Variants in RNF213 observed in about 807,000 individuals in gnomAD.
RNF213 encodes the protein ring finger protein 213.
In RNF213, 341 loss-of-function variants were observed where a neutral mutation model predicts 514.4. That is an observed-to-expected ratio of 0.66 (90% confidence interval 0.61 to 0.73). The LOEUF (loss-of-function observed/expected upper bound fraction) is 0.73. Among genes scored for constraint, RNF213 ranks in the 30% least tolerant of loss-of-function variants. The pLI is 0.00. For missense variants in RNF213, 5,767 were observed against 6,615.6 expected, an observed-to-expected ratio of 0.87 and a Z score of 4.45; for synonymous variants, 2,655 against 2,658.2, an observed-to-expected ratio of 1.00 and a Z score of 0.04.
At position 80,288,319 on chromosome 17, in the gene RNF213, G is replaced by A; in HGVS notation, c.766G>A (p.Glu256Lys). ...SKGGSSEPGT[E>K]LQTTEQQAGA... ...AGGAGGCAGCTCTGAGCCCGGGACAGAACTGCAGACCACCGAGCAACAGGC... is the reference window on the plus strand; with the variant it reads ...AGGAGGCAGCTCTGAGCCCGGGACAAAACTGCAGACCACCGAGCAACAGGC... Residue 256 changes from glutamate (E) to lysine (K), a missense_variant, in exon 4 of 68, where the codon GAA (glutamate) becomes AAA (lysine). This residue lies in a region of RNF213 where 509 missense variants were observed against 496.7 expected (regional missense o/e 1.02). Transcript: ENST00000582970. This position sits in a 1 kb window ranked among gnomAD's most constrained non-coding sequence, Gnocchi z 4.9. The A allele has an allele frequency of 6.2e-7, 1 of 1,612,972 alleles. No individual in the cohort carries two copies. The highest frequency in any genetic ancestry group is 1.1e-5 in the South Asian group (1 of 91,088).
chr17:80,364,369 G>C (rs114281567), intron 41 of RNF213, 64 bp from the exon 42 acceptor site: 5 of 1,612,196 alleles, frequency 3.1e-6, no homozygotes, highest in Non-Finnish European at 4.2e-6. Flanking sequence ...CTCCCTCCTC[G>C]TTTCACCCTT....
At position 80,376,285 on chromosome 17, in the gene RNF213, GT is replaced by G. The variant is rs777469709; in HGVS notation, c.13186-9del. 2.5e-6 allele frequency: 4 copies of G among 1,613,858 alleles called. No individual in the cohort carries two copies. Among genetic ancestry groups the G allele is most frequent in the Non-Finnish European group, 3.4e-6 (4 of 1,179,892 alleles). ...ATTCTTTGATACATCTTAATGTTAA[GT>G]TTTTTTCCTGTCAGCAATGTGAAGC... On this transcript the variant is annotated splice_polypyrimidine_tract_variant and intron_variant, in intron 51 of 67. Transcript: ENST00000582970.
Position 80,348,196 on chromosome 17 carries a change from C to T in RNF213, c.9861C>T (p.Tyr3287=), listed in dbSNP as rs2078381054. 6.2e-7 allele frequency: 1 copy of T among 1,613,944 alleles called. No homozygotes were observed. The highest frequency in any genetic ancestry group is 8.5e-7 in the Non-Finnish European group (1 of 1,180,048). The change falls in exon 29 of 68, where the codon TAC becomes TAT. Residue 3287 remains tyrosine (Y), a synonymous_variant. Transcript: ENST00000582970. The part of the protein sequence containing the change: ...GFAAEWLSQE[Y]FHRQRHNSFA... ...CAGCGGAGTGGCTGTCGCAGGAGTA[C>T]TTTCACAGACAGAGGCACAACTCCT...
rs1278405832 is a variant in RNF213, at chr17:80,368,106, C to A, written c.12118C>A (p.Pro4040Thr). The A allele has an allele frequency of 6.2e-7, 1 of 1,614,258 alleles. No homozygotes were observed. ...ATGCCCCTACTGTTTAACTGCCTTG[C>A]CAGACGAATTCTCTCCAGCTGTTTC... Reference protein sequence around the residue: ...MICPYCLTALPDEFSPAVSQA... With the variant: ...MICPYCLTALTDEFSPAVSQA... The change falls in exon 44 of 68, where the codon CCA becomes ACA. Residue 4040 changes from proline to threonine, a missense_variant. Physicochemically the swap from Pro to Thr is conservative, Grantham distance 38. Transcript: ENST00000582970.
At chr17:80,310,503 T>G (rs1007846662) in intron 14 of RNF213, among the ~76,000 whole-genome samples, 4 of 152,122 alleles carry the variant, frequency 2.6e-5, no homozygotes, top group African/African-American at 9.7e-5. Flanking sequence ...TCCACCTGCC[T>G]TGGCCTCCCA....
At position 80,298,469 on chromosome 17, in the gene RNF213, G is replaced by A. The variant is rs765912590; in HGVS notation, c.2161G>A (p.Ala721Thr). 19 of 1,614,164 alleles carry A rather than the reference G, an allele frequency of 1.2e-5. No individual in the cohort carries two copies. The highest frequency in any genetic ancestry group is 1.6e-5 in the Non-Finnish European group (19 of 1,180,044). Residue 721 changes from alanine (A) to threonine (T), a missense_variant, in exon 11 of 68, where the codon GCT (alanine) becomes ACT (threonine). Transcript: ENST00000582970. ...AWRQPEDTWA[A>T]LEGLSFSPFR... The stretch of plus-strand genomic sequence containing the variant: ...GAGACAGCCTGAGGACACCTGGGCC[G>A]CTCTGGAGGGACTCTCCTTCTCACC...
At chr17:80,349,660 A>C (rs1416424392) in intron 29 of RNF213, 110 bp from the exon 30 acceptor site, 1 of 1,217,896 alleles carries the variant, frequency 8.2e-7, no homozygotes, top group East Asian at 2.3e-5. Context: ...TTGTGTGGCA[A>C]CTGCACCGCG....
Position 80,285,837 on chromosome 17 carries a change from A to AT in RNF213, c.262-1972dup, listed in dbSNP as rs1391733346. Reference sequence around the variant, plus strand: ...AGGTGCCTGCCACCACGCCCAGCTAATTTTTTGTGTTTTTAGTAGAGATGG... The same window carrying AT: ...AGGTGCCTGCCACCACGCCCAGCTAATTTTTTTGTGTTTTTAGTAGAGATGG... On this transcript the variant is annotated intron_variant, in intron 3 of 67. Transcript: ENST00000582970. Among the ~76,000 whole-genome samples the AT allele has an allele frequency of 3.3e-5, 5 of 151,846 alleles. No homozygotes were observed. The East Asian group carries it at 9.7e-4, about 29-fold the overall frequency.
Position 80,317,390 on chromosome 17 carries a change from G to C in RNF213, c.2901+113G>C. 1.1e-6 allele frequency: 1 copy of C among 913,484 alleles called. No homozygotes were observed. The highest frequency in any genetic ancestry group is 2.0e-5 in the Admixed American group (1 of 50,058). The allele number at this position is 913,484 out of a possible 1,614,324, so 56.6% of individuals were successfully genotyped here. On this transcript the variant is annotated intron_variant, in intron 16 of 67. Transcript: ENST00000582970. This position sits in a 1 kb window ranked among gnomAD's most constrained non-coding sequence, Gnocchi z 4.1. ...AGTGCCTCTCTGTGGGCAGGGATGG[G>C]GTGAATCACAGCTCCGTGTTTCTGT...
chr17:80,358,200 C>T, intron 36 of RNF213, 88 bp from the exon 37 acceptor site: 3 of 1,153,242 alleles, frequency 2.6e-6, no homozygotes, highest in South Asian at 1.3e-5. Flanking sequence ...TTTGTTAATG[C>T]TCAAGAAGGA....
intron 5 of RNF213, among the ~76,000 whole-genome samples, chr17:80,289,156 GGA>G (rs914111447): frequency 6.6e-6 from 1 of 152,220 alleles, no homozygotes; most frequent in African/African-American, 2.4e-5. Context: ...AGGAGTTGGG[GGA>G]GGAGAGGCCA....
At position 80,347,391 on chromosome 17, in the gene RNF213, A is replaced by G. The variant is rs367700707; in HGVS notation, c.9056A>G (p.Lys3019Arg). Residue 3019 changes from lysine to arginine, a missense_variant, in exon 29 of 68, where the codon AAA becomes AGA. Transcript: ENST00000582970. This position sits in a 1 kb window ranked among gnomAD's most constrained non-coding sequence, Gnocchi z 7.2. ...SEEVSPMQLI[K>R]QNIFGPSQKV... ...GAAGTCAGCCCCATGCAGCTGATCAAACAGAACATCTTTGGGCCTTCTCAG... is the reference window on the plus strand; with the variant it reads ...GAAGTCAGCCCCATGCAGCTGATCAGACAGAACATCTTTGGGCCTTCTCAG... 6.2e-7 allele frequency: 1 copy of G among 1,613,804 alleles called. No individual in the cohort carries two copies. The highest frequency in any genetic ancestry group is 8.5e-7 in the Non-Finnish European group (1 of 1,180,046).
At chr17:80,384,935 T>C in intron 59 of RNF213, 104 bp from the exon 60 acceptor site, 1 of 1,227,432 alleles carries the variant, frequency 8.1e-7, no homozygotes, top group Non-Finnish European at 1.2e-6. Context: ...ACTGACCAGA[T>C]TAAGCTACAA....
At chr17:80,294,606 C>T in intron 8 of RNF213, 114 bp from the exon 9 acceptor site, 1 of 1,309,494 alleles carries the variant, frequency 7.6e-7, no homozygotes, top group Non-Finnish European at 1.1e-6. Flanking sequence ...CTCCCTTCCT[C>T]TGCCCCATTT....
chr17:80,363,952 G>C (rs1411595222), intron 41 of RNF213, among the ~76,000 whole-genome samples, 162 bp downstream of exon 41: 1 of 152,248 alleles, frequency 6.6e-6, no homozygotes, highest in Non-Finnish European at 1.5e-5. Context: ...CTTAGTGAGT[G>C]CCAGGCGTCT....
rs760577912 is a variant in RNF213, at chr17:80,348,121, T to C, written c.9786T>C (p.Ala3262=). 25 of 1,613,990 alleles carry C rather than the reference T, an allele frequency of 1.5e-5. No homozygotes were observed. Among genetic ancestry groups the C allele is most frequent in the Non-Finnish European group, 2.0e-5 (24 of 1,180,050 alleles). ...EEAKSILLNC[A]TPDAVVRLSA... is the part of the protein sequence containing the mutation. ...CCAAATCGATCCTGCTGAACTGCGC[T>C]ACGCCCGATGCCGTGGTCCGGCTGA... Residue 3262 remains alanine, a synonymous_variant, in exon 29 of 68, where the codon GCT becomes GCC. Transcript: ENST00000582970.
Position 80,377,771 on chromosome 17 carries a change from A to G in RNF213, c.13520A>G (p.Asn4507Ser), listed in dbSNP as rs754029982. The G allele has an allele frequency of 3.7e-6, 6 of 1,614,026 alleles. No individual in the cohort carries two copies. In the African/African-American group the frequency reaches 5.3e-5, roughly 14 times the overall value. Residue 4507 changes from asparagine (N) to serine (S), a missense_variant, in exon 54 of 68, where the codon AAC becomes AGC. Physicochemically the swap from Asn to Ser is conservative, Grantham distance 46. Transcript: ENST00000582970. This position sits in a 1 kb window ranked among gnomAD's most constrained non-coding sequence, Gnocchi z 4.1. ...LERVHWYTCP[N>S]GHPCSVGECG... is the part of the protein sequence containing the mutation. The stretch of plus-strand genomic sequence containing the variant: ...CCTGTTCTCTTCACAGCTTGTCCCA[A>G]CGGCCATCCTTGCTCCGTGGGAGAG...
rs770443490 is a variant in RNF213, at chr17:80,327,823, C to T, written c.3201C>T (p.Asp1067=). 5.4e-5 allele frequency: 83 copies of T among 1,535,768 alleles called. No homozygotes were observed. Among genetic ancestry groups the T allele is most frequent in the African/African-American group, 6.8e-5 (5 of 73,010 alleles). ...TGTTCTTCATCTATTCAGGAACCGA[C>T]GAGAAAATACTAGCAAATGTCACAG... ...VKHVFRLCGT[D]EKILANVTED... The change falls in exon 19 of 68, where the codon GAC becomes GAT. Residue 1067 remains aspartate, a synonymous_variant. Transcript: ENST00000582970.
At chr17:80,296,853 T>C (rs557190123) in intron 10 of RNF213, among the ~76,000 whole-genome samples, 158 of 152,054 alleles carry the variant, frequency 1.0e-3, no homozygotes, top group Non-Finnish European at 2.0e-3. Context: ...AGCTAATTTT[T>C]GTATTTATTG....
Sources: gnomAD v4.1 joint callset for allele counts (sites outside exome capture counted in the v4.1 genomes callset) on GRCh38, gnomAD v4.1.1 for gene constraint, gnomAD v4.1.1 regional missense constraint, Gnocchi (gnomAD v3.1) non-coding constraint, MANE v1.5 for transcripts, NCBI Gene and HGNC (gene_info 2026-07-23, HGNC 2026-07-21) for gene names.